Variants in ZNF324B observed in about 807,000 individuals in gnomAD.
The protein encoded by ZNF324B is zinc finger protein 324B.
ZNF324B carries 7 observed loss-of-function variants against 10.6 expected under a neutral mutation model. That is an observed-to-expected ratio of 0.66 (90% CI 0.38 to 1.24). The LOEUF (loss-of-function observed/expected upper bound fraction) is 1.24, where lower values mean the gene tolerates loss of function less well. Among genes scored for constraint, ZNF324B ranks in the 50% most tolerant of loss-of-function variants. The probability of loss-of-function intolerance (pLI) is 0.02; values close to 1 mark genes in which losing one functional copy is unlikely to be tolerated. For missense variants in ZNF324B, 640 were observed against 764.7 expected (o/e 0.84, Z 1.92); for synonymous variants, 316 against 321.0 (o/e 0.98, Z 0.17).
chr19:58,442,466 G>A, the ZNF324B span: 347 of 152,432 alleles, frequency 2.3e-3, no homozygotes, highest in Admixed American at 4.0e-3. Context: ...GAGCCACCGC[G>A]CCCGGCCCTG....
the ZNF324B span, chr19:58,435,207 A>G: frequency 6.2e-7 from 1 of 1,604,078 alleles, no homozygotes. Flanking sequence ...CTCCATGCCA[A>G]GAACCTGAAA....
chr19:58,429,520 C>T, the ZNF324B span: 2 of 152,298 alleles, frequency 1.3e-5, no homozygotes, highest in South Asian at 2.1e-4. Context: ...CACCCGCCAC[C>T]ACACCTGGCT....
the ZNF324B span, chr19:58,437,254 C>T: frequency 1.3e-6 from 2 of 1,548,538 alleles, no homozygotes; most frequent in Non-Finnish European, 1.7e-6. Flanking sequence ...TGGAAATATG[C>T]AGGACCTTGC....
At chr19:58,434,575 G>T in the ZNF324B span, 2 of 1,614,078 alleles carry the variant, frequency 1.2e-6, no homozygotes, top group East Asian at 4.5e-5. Context: ...ACACACATGG[G>T]GTATTTCCCC....
chr19:58,421,466 G>A, the ZNF324B span, among the ~76,000 whole-genome samples: 1 of 150,634 alleles, frequency 6.6e-6, no homozygotes, highest in East Asian at 2.0e-4. Flanking sequence ...GTGCAGTCTT[G>A]GCTCCCAGGT....
the ZNF324B span, among the ~76,000 whole-genome samples, chr19:58,423,004 G>C: frequency 6.6e-6 from 1 of 151,836 alleles, no homozygotes; most frequent in Admixed American, 6.6e-5. Context: ...CCAGCAGCTG[G>C]GACTACAGGT....
chr19:58,427,046 C>T, the ZNF324B span, among the ~76,000 whole-genome samples: 4 of 152,164 alleles, frequency 2.6e-5, no homozygotes, highest in Admixed American at 6.5e-5. Context: ...GAGACCCAGT[C>T]GGAGATCAGA....
Position 58,455,098 on chromosome 19 carries a change from G to C in ZNF324B, c.239-85G>C, listed in dbSNP as rs763234752. The stretch of plus-strand genomic sequence containing the variant: ...CCCTAAGCTTTTGTCCCGGCTCCTG[G>C]GCTCCCCCTTGCCTGTCCACTCAGC... On this transcript the variant is annotated intron_variant, in intron 3 of 3. Coordinates refer to ENST00000336614, the MANE Select transcript of ZNF324B (RefSeq NM_207395.3). This position sits in a 1 kb window ranked among gnomAD's most constrained non-coding sequence, Gnocchi z 7.0. 2.5e-6 allele frequency: 4 copies of C among 1,575,920 alleles called. No individual in the cohort carries two copies. The South Asian group carries it at 4.4e-5, about 17-fold the overall frequency.
the ZNF324B span, among the ~76,000 whole-genome samples, chr19:58,428,030 A>C: frequency 6.6e-6 from 1 of 152,220 alleles, no homozygotes; most frequent in South Asian, 2.1e-4. Context: ...GGTATCCCCC[A>C]GACACCTCAC....
At chr19:58,422,535 T>G in the ZNF324B span, among the ~76,000 whole-genome samples, 1 of 152,214 alleles carries the variant, frequency 6.6e-6, no homozygotes, top group Admixed American at 6.5e-5. Context: ...CTCTTAGGTC[T>G]GATAAAGAGA....
At position 58,456,121 on chromosome 19, in the gene ZNF324B, G is replaced by A; in HGVS notation, c.1177G>A (p.Gly393Ser). 4 of 1,613,428 alleles carry A rather than the reference G, an allele frequency of 2.5e-6. No individual in the cohort carries two copies. Among genetic ancestry groups the A allele is most frequent in the Middle Eastern group, 1.7e-4 (1 of 6,004 alleles). Residue 393 changes from glycine to serine, a missense_variant, in exon 4 of 4, where the codon GGC (glycine) becomes AGC (serine). Gly to Ser is a moderately conservative substitution (Grantham distance 56). Around this residue, in one of 3 missense-constraint regions of ZNF324B, gnomAD observed 238 missense variants for 258.0 expected, o/e 0.92. Coordinates refer to ENST00000336614, the MANE Select transcript of ZNF324B (RefSeq NM_207395.3). The surrounding 1 kb of genome is among the most constrained non-coding windows in gnomAD (Gnocchi z 4.7). Reference sequence around the variant, plus strand: ...GATCCAGCACGAGCGTACGCACACAGGCGAGAAGCCCTTCGTATGCGCGCT... The same window carrying A: ...GATCCAGCACGAGCGTACGCACACAAGCGAGAAGCCCTTCGTATGCGCGCT... ...HLIQHERTHTGEKPFVCALCG... is the reference protein window; with the variant it reads ...HLIQHERTHTSEKPFVCALCG...
At chr19:58,425,748 G>A in the ZNF324B span, among the ~76,000 whole-genome samples, 1 of 152,186 alleles carries the variant, frequency 6.6e-6, no homozygotes, top group Non-Finnish European at 1.5e-5. Context: ...TGGGATTACA[G>A]GCATGAGCCA....
the ZNF324B span, chr19:58,434,486 CATAATATTT>C: frequency 6.2e-7 from 1 of 1,614,090 alleles, no homozygotes; most frequent in African/African-American, 1.3e-5. Flanking sequence ...GCAATGCACT[CATAATATTT>C]TACTTCAGTG....
the ZNF324B span, chr19:58,433,554 A>C: frequency 4.3e-6 from 7 of 1,614,040 alleles, no homozygotes; most frequent in Non-Finnish European, 5.9e-6. Flanking sequence ...TCCCACATTC[A>C]CTGCATTCGT....
the ZNF324B span, among the ~76,000 whole-genome samples, chr19:58,421,027 A>G: frequency 6.7e-6 from 1 of 149,976 alleles, no homozygotes; most frequent in African/African-American, 2.5e-5. Flanking sequence ...TTAAAGACAT[A>G]CGAGATGCTA....
chr19:58,452,108 G>T (rs12981092), intron 1 of ZNF324B: 36,199 of 170,504 alleles, frequency 0.21, 3,711 homozygotes, highest in African/African-American at 0.26. Context: ...GCGGGGGTCA[G>T]TGCAAACTCC....
chr19:58,433,890 G>A, the ZNF324B span: 27 of 1,613,698 alleles, frequency 1.7e-5, no homozygotes, highest in Non-Finnish European at 2.3e-5. Flanking sequence ...TCCTACATTC[G>A]CTGCACTCAT....
chr19:58,456,150 C>T lies in ZNF324B; in HGVS notation c.1206C>T (p.Cys402=), dbSNP rs1358577912. Residue 402 remains cysteine (C), a synonymous_variant, in exon 4 of 4, where the codon TGC becomes TGT. Coordinates refer to ENST00000336614, the MANE Select transcript of ZNF324B (RefSeq NM_207395.3). This position sits in a 1 kb window ranked among gnomAD's most constrained non-coding sequence, Gnocchi z 4.7. ...TGEKPFVCAL[C]GAAFSQGSSL... ...AGAAGCCCTTCGTATGCGCGCTCTG[C>T]GGTGCTGCCTTCAGCCAGGGCTCCT... 3 of 1,613,244 alleles carry T rather than the reference C, an allele frequency of 1.9e-6. No homozygotes were observed. Among genetic ancestry groups the T allele is most frequent in the Non-Finnish European group, 1.7e-6 (2 of 1,179,838 alleles).
chr19:58,421,048 A>G, the ZNF324B span, among the ~76,000 whole-genome samples: 1 of 150,996 alleles, frequency 6.6e-6, no homozygotes, highest in African/African-American at 2.4e-5. Context: ...AATGTTATTC[A>G]GAATGGGCTA....
Sources: gnomAD v4.1 joint callset for allele counts (sites outside exome capture counted in the v4.1 genomes callset) on GRCh38, gnomAD v4.1.1 for gene constraint, gnomAD v4.1.1 regional missense constraint, Gnocchi (gnomAD v3.1) non-coding constraint, MANE v1.5 for transcripts, NCBI Gene and HGNC (gene_info 2026-07-23, HGNC 2026-07-21) for gene names.